Variants in QTMAN observed in about 807,000 individuals in gnomAD.
QTMAN encodes tRNA-queuosine alpha-mannosyltransferase.
chr2:144,115,193 G>A, the QTMAN span, among the ~76,000 whole-genome samples: 6 of 151,874 alleles, frequency 4.0e-5, no homozygotes, highest in South Asian at 4.2e-4. Flanking sequence ...ATCACACCAC[G>A]GAACTCCAGC....
chr2:144,006,860 T>C, the QTMAN span: 3 of 215,626 alleles, frequency 1.4e-5, no homozygotes, highest in Non-Finnish European at 2.7e-5. Flanking sequence ...TAACTGTGTG[T>C]GTGTGTGCAT....
At chr2:143,968,659 A>C in the QTMAN span, among the ~76,000 whole-genome samples, 1 of 152,228 alleles carries the variant, frequency 6.6e-6, no homozygotes, top group Non-Finnish European at 1.5e-5. Context: ...AATTTCCTCC[A>C]GCATCGTTTC....
chr2:144,232,363 G>A, the QTMAN span, among the ~76,000 whole-genome samples: 14 of 151,828 alleles, frequency 9.2e-5, no homozygotes, highest in African/African-American at 3.1e-4. Flanking sequence ...ATAAATCCCC[G>A]CAAAAGAAAC....
At chr2:144,155,518 T>G in the QTMAN span, among the ~76,000 whole-genome samples, 1 of 152,200 alleles carries the variant, frequency 6.6e-6, no homozygotes, top group Non-Finnish European at 1.5e-5. Context: ...TCATTTTACA[T>G]TGGAATGTTC....
the QTMAN span, among the ~76,000 whole-genome samples, chr2:143,979,003 T>C: frequency 2.6e-5 from 4 of 152,226 alleles, no homozygotes; most frequent in Non-Finnish European, 5.9e-5. Context: ...TTGCAAGAAT[T>C]GTTGTATTTC....
chr2:144,208,758 T>C, the QTMAN span: 1 of 1,613,424 alleles, frequency 6.2e-7, no homozygotes, highest in Admixed American at 1.7e-5. Flanking sequence ...CTCCATAGAA[T>C]GCTTCAATGA....
At chr2:144,051,003 A>T in the QTMAN span, among the ~76,000 whole-genome samples, 1 of 152,294 alleles carries the variant, frequency 6.6e-6, no homozygotes, top group Non-Finnish European at 1.5e-5. Flanking sequence ...GTGATTATTA[A>T]GTTGTAGAAC....
the QTMAN span, among the ~76,000 whole-genome samples, chr2:143,976,604 T>A: frequency 2.0e-5 from 3 of 152,152 alleles, no homozygotes; most frequent in Non-Finnish European, 4.4e-5. Context: ...GGGATCAGCT[T>A]TGGTTTCCCT....
At chr2:144,084,000 A>G in the QTMAN span, among the ~76,000 whole-genome samples, 1 of 152,224 alleles carries the variant, frequency 6.6e-6, no homozygotes, top group South Asian at 2.1e-4. Context: ...TGATAATAAT[A>G]CATGTGAAGA....
chr2:144,112,223 T>C, the QTMAN span, among the ~76,000 whole-genome samples: 1 of 152,184 alleles, frequency 6.6e-6, no homozygotes, highest in African/African-American at 2.4e-5. Context: ...TACCAAGAGC[T>C]CCAACTACAG....
At chr2:144,047,008 C>T in the QTMAN span, among the ~76,000 whole-genome samples, 2 of 152,198 alleles carry the variant, frequency 1.3e-5, no homozygotes, top group African/African-American at 4.8e-5. Context: ...TGGTGGCTCA[C>T]ACCTGTAATC....
chr2:144,327,092 T>C, the QTMAN span, among the ~76,000 whole-genome samples: 3 of 152,186 alleles, frequency 2.0e-5, no homozygotes, highest in African/African-American at 7.2e-5. Flanking sequence ...TCCCATTCTA[T>C]ACCCTGGAGG....
the QTMAN span, among the ~76,000 whole-genome samples, chr2:143,973,424 T>A: frequency 6.6e-6 from 1 of 152,184 alleles, no homozygotes; most frequent in East Asian, 1.9e-4. Flanking sequence ...ATATACAAGT[T>A]TATTTCATCT....
chr2:144,076,560 C>T, the QTMAN span, among the ~76,000 whole-genome samples: 3 of 152,150 alleles, frequency 2.0e-5, no homozygotes, highest in Non-Finnish European at 2.9e-5. Flanking sequence ...TCTGCAGACT[C>T]GAGAGTGTTC....
the QTMAN span, among the ~76,000 whole-genome samples, chr2:144,000,106 G>A: frequency 1.3e-5 from 2 of 152,026 alleles, no homozygotes; most frequent in African/African-American, 4.8e-5. Context: ...GGATTCTGGT[G>A]AGGCTCTTTC....
At chr2:143,988,255 C>A in the QTMAN span, among the ~76,000 whole-genome samples, 1 of 152,156 alleles carries the variant, frequency 6.6e-6, no homozygotes, top group Non-Finnish European at 1.5e-5. Context: ...GGTGGTGCTG[C>A]GTCATGCTGA....
At chr2:144,162,666 T>A in the QTMAN span, among the ~76,000 whole-genome samples, 1 of 152,186 alleles carries the variant, frequency 6.6e-6, no homozygotes, top group East Asian at 1.9e-4. Flanking sequence ...AGGGCTGATC[T>A]CATGGCAACT....
the QTMAN span, among the ~76,000 whole-genome samples, chr2:144,197,891 T>C: frequency 1.6e-4 from 24 of 152,316 alleles, no homozygotes; most frequent in Admixed American, 1.1e-3. Flanking sequence ...ATAGCACTCG[T>C]TGGTGTTTTT....
the QTMAN span, chr2:143,970,683 C>G: frequency 6.2e-7 from 1 of 1,607,334 alleles, no homozygotes; most frequent in Non-Finnish European, 8.5e-7. Context: ...TCTCCAAGTA[C>G]AGACACGTGG....
Sources: allele counts gnomAD v4.1 joint callset (sites outside exome capture counted in the v4.1 genomes callset), GRCh38; gene constraint gnomAD v4.1.1; transcripts MANE v1.5; gene names NCBI Gene and HGNC (gene_info 2026-07-23, HGNC 2026-07-21).